Variants in MFAP5 observed in about 807,000 individuals in gnomAD.
MFAP5 encodes microfibrillar-associated protein 5.
In MFAP5, 19 loss-of-function variants were observed where a neutral mutation model predicts 30.1. The observed-to-expected ratio is 0.63, with a 90% CI of 0.44 to 0.93. The LOEUF (loss-of-function observed/expected upper bound fraction) is 0.93, where lower values mean the gene tolerates loss of function less well. Ranked by LOEUF, MFAP5 falls within the 40% of genes least tolerant of loss-of-function variation. MFAP5 has a pLI of 0.00. For missense variants in MFAP5, 210 were observed against 221.3 expected (o/e 0.95, Z 0.32); for synonymous variants, 92 against 72.9 (o/e 1.26, Z -1.33).
rs1268100031 is a variant in MFAP5 at position 8,656,591 on chromosome 12, TAC to T, written c.95-763_95-762del. Reference sequence around the variant, plus strand: ...CCTGGCTAATATATATATATATATATACACACACACACACACACATATATATA... The same window carrying T: ...CCTGGCTAATATATATATATATATATACACACACACACACACATATATATA... On this transcript the variant is annotated intron_variant, in intron 3 of 9. Coordinates refer to ENST00000359478, the MANE Select transcript of MFAP5 (RefSeq NM_003480.4). Among the ~76,000 whole-genome samples, 131 of 130,802 alleles carry T rather than the reference TAC, an allele frequency of 1.0e-3. 2 individuals are homozygous for T. Among genetic ancestry groups the T allele is most frequent in the East Asian group, 2.4e-3 (11 of 4,672 alleles). 85.8% of individuals were successfully genotyped at this position (130,802 alleles called of 152,430 possible).
At position 8,655,466 on chromosome 12, in the gene MFAP5, A is replaced by G. The variant is rs1394965429; in HGVS notation, c.140-19T>C. On this transcript the variant is annotated intron_variant, in intron 4 of 9. Coordinates refer to ENST00000359478, the MANE Select transcript of MFAP5 (RefSeq NM_003480.4). ...ACCAGATCTGCAAAGACACATAACA[A>G]GGAATGAAAAAATGCAGTCAGGAAA... is the stretch of plus-strand genomic sequence containing the variant. 2 of 1,605,194 alleles carry G rather than the reference A, an allele frequency of 1.2e-6. No individual in the cohort carries two copies. The highest frequency in any genetic ancestry group is 1.1e-5 in the South Asian group (1 of 88,922).
chr12:8,649,620 G>C (rs1460118498), intron 8 of MFAP5, 46 bp from the exon 9 acceptor site: 2 of 1,539,294 alleles, frequency 1.3e-6, no homozygotes, highest in East Asian at 4.5e-5. Context: ...ATGGAAGAAA[G>C]CCTTGAGAGG....
intron 3 of MFAP5, among the ~76,000 whole-genome samples, chr12:8,659,260 A>G (rs1942083329): frequency 6.6e-6 from 1 of 151,592 alleles, no homozygotes; most frequent in Non-Finnish European, 1.5e-5. Flanking sequence ...GTGAGCCGAG[A>G]TCGCGCAATT....
chr12:8,651,776 G>A, intron 6 of MFAP5, 85 bp from the exon 7 acceptor site: 1 of 1,227,090 alleles, frequency 8.1e-7, no homozygotes. Flanking sequence ...CTTAGGACCT[G>A]CTTGGAGTGC....
Position 8,649,531 on chromosome 12 carries a change from G to GA in MFAP5, c.378dup (p.Leu127SerfsTer4), listed in dbSNP as rs1941774376. 10 of 1,613,930 alleles carry GA rather than the reference G, an allele frequency of 6.2e-6. No homozygotes were observed. Among genetic ancestry groups the GA allele is most frequent in the Non-Finnish European group, 7.6e-6 (9 of 1,180,016 alleles). On this transcript the variant is annotated frameshift_variant, in exon 9 of 10. Coordinates refer to ENST00000359478, the MANE Select transcript of MFAP5 (RefSeq NM_003480.4). LOFTEE classifies it high-confidence loss of function. ...ATAGCTTCGTGTTCCTTACAGACAA[G>GA]ACGAGAGCAGATCTCCTTGTTGACG... is the stretch of plus-strand genomic sequence containing the variant.
At position 8,646,632 on chromosome 12, in the gene MFAP5, A is replaced by AATAT. The variant is rs922121824; in HGVS notation, c.*1455_*1458dup. 2 of 150,400 alleles carry AATAT rather than the reference A, an allele frequency of 1.3e-5. No homozygotes were observed. The highest frequency in any genetic ancestry group is 3.0e-5 in the Non-Finnish European group (2 of 67,630). 9.3% of individuals were successfully genotyped at this position (150,400 alleles called of 1,614,324 possible). A position where few individuals can be genotyped will look rare whatever the true frequency, so the allele number is the denominator to read the frequency against. Reference sequence around the variant, plus strand: ...AAATCTTAGAACTAAGAATATATATAATATATATATATATTTCTTAAGATG... The same window carrying AATAT: ...AAATCTTAGAACTAAGAATATATATAATATATATATATATATATTTCTTAAGATG... On this transcript the variant is annotated 3_prime_UTR_variant, in exon 10 of 10. Coordinates refer to ENST00000359478, the MANE Select transcript of MFAP5 (RefSeq NM_003480.4).
rs116141853 is a variant in MFAP5 at position 8,661,274 on chromosome 12, C to T, written c.59-376G>A. Among the ~76,000 whole-genome samples, 324 of 152,154 alleles carry T rather than the reference C, an allele frequency of 2.1e-3. 2 individuals carry two copies. The highest frequency in any genetic ancestry group is 7.6e-3 in the African/African-American group (316 of 41,512). On this transcript the variant is annotated intron_variant, in intron 2 of 9. Coordinates refer to ENST00000359478, the MANE Select transcript of MFAP5 (RefSeq NM_003480.4). ...CTTCCCCGCTAGCTATGCTAGTGAA[C>T]AAGACAGAAGAATTATTTTTCTCAA...
At chr12:8,649,761 G>A (rs1478195444) in intron 8 of MFAP5, among the ~76,000 whole-genome samples, 187 bp from the exon 9 acceptor site, 1 of 152,136 alleles carries the variant, frequency 6.6e-6, no homozygotes, top group African/African-American at 2.4e-5. Flanking sequence ...GGGAGGGAAT[G>A]GTATTAATTA....
intron 3 of MFAP5, among the ~76,000 whole-genome samples, chr12:8,659,321 A>G (rs758043421): frequency 0.012 from 1,794 of 151,832 alleles, 29 homozygotes; most frequent in African/African-American, 0.042. Context: ...AAAAAAAAAA[A>G]AATAAAAGGG....
chr12:8,660,955 C>G, intron 2 of MFAP5, 57 bp from the exon 3 acceptor site: 8 of 1,425,600 alleles, frequency 5.6e-6, no homozygotes, highest in Non-Finnish European at 7.8e-6. Flanking sequence ...ACCTCGTAAC[C>G]CTTTTATGAG....
chr12:8,660,940 T>C, intron 2 of MFAP5, 42 bp from the exon 3 acceptor site: 2 of 1,542,166 alleles, frequency 1.3e-6, no homozygotes, highest in Non-Finnish European at 1.8e-6. Context: ...TGACTGCAGC[T>C]CTATACCTCG....
chr12:8,657,591 A>G (rs958644620), intron 3 of MFAP5, among the ~76,000 whole-genome samples: 3 of 127,328 alleles, frequency 2.4e-5, no homozygotes, highest in African/African-American at 9.3e-5. Context: ...TTTTTTTGAG[A>G]CGGAGTCTCG....
At chr12:8,653,201 AAAAAAAG>A (rs1023691952) in intron 6 of MFAP5, among the ~76,000 whole-genome samples, 15 of 151,870 alleles carry the variant, frequency 9.9e-5, no homozygotes, top group Admixed American at 2.0e-4. Context: ...TCAAAAAAAA[AAAAAAAG>A]AAAAAAGAAA....
chr12:8,662,357 A>G, intron 1 of MFAP5: 1 of 485,340 alleles, frequency 2.1e-6, no homozygotes, highest in East Asian at 3.8e-5. Context: ...GTCAGAGGAA[A>G]TTTTACATTC....
intron 3 of MFAP5, among the ~76,000 whole-genome samples, chr12:8,659,019 G>A (rs1942078200): frequency 7.0e-6 from 1 of 143,072 alleles, no homozygotes; most frequent in Non-Finnish European, 1.5e-5. Flanking sequence ...TTAAGAGATA[G>A]GGTCTCAGGC....
Position 8,649,500 on chromosome 12 carries a change from C to A in MFAP5, c.409+1G>T. 6.2e-7 allele frequency: 1 copy of A among 1,613,508 alleles called. No homozygotes were observed. The highest frequency in any genetic ancestry group is 8.5e-7 in the Non-Finnish European group (1 of 1,179,562). On this transcript the variant is annotated splice_donor_variant, in intron 9 of 9. Coordinates refer to ENST00000359478, the MANE Select transcript of MFAP5 (RefSeq NM_003480.4). LOFTEE classifies it high-confidence loss of function. Reference sequence around the variant, plus strand: ...CATTAAACATCCAGACATCATCTTACCTTTCATAGCTTCGTGTTCCTTACA... The same window carrying A: ...CATTAAACATCCAGACATCATCTTAACTTTCATAGCTTCGTGTTCCTTACA...
chr12:8,661,160 C>A (rs1431276627), intron 2 of MFAP5, among the ~76,000 whole-genome samples: 1 of 152,146 alleles, frequency 6.6e-6, no homozygotes, highest in African/African-American at 2.4e-5. Context: ...TTCCTGAGAA[C>A]AAAGCCCTGC....
intron 5 of MFAP5, 107 bp from the exon 6 acceptor site, chr12:8,654,588 C>T (rs1941931127): frequency 9.4e-7 from 1 of 1,060,388 alleles, no homozygotes; most frequent in Non-Finnish European, 1.4e-6. Context: ...AAGACTATGT[C>T]TGGCTTTGTG....
At chr12:8,656,500 T>G in intron 3 of MFAP5, among the ~76,000 whole-genome samples, 1 of 138,854 alleles carries the variant, frequency 7.2e-6, no homozygotes, top group East Asian at 2.1e-4. Context: ...CTCCGCCTCT[T>G]GGGTTCAAGC....
Sources: allele counts gnomAD v4.1 joint callset (sites outside exome capture counted in the v4.1 genomes callset), GRCh38; gene constraint gnomAD v4.1.1; transcripts MANE v1.5; gene names NCBI Gene and HGNC (gene_info 2026-07-23, HGNC 2026-07-21).